The following TRIQK variants were observed in gnomAD, a reference collection of about 807,000 sequenced individuals.
TRIQK encodes the protein triple QxxK/R motif containing.
TRIQK carries 10 observed loss-of-function variants against 10.8 expected under a neutral mutation model. That is an observed-to-expected ratio of 0.92 (90% CI 0.57 to 1.57). The LOEUF (loss-of-function observed/expected upper bound fraction) is 1.57, where lower values mean the gene tolerates loss of function less well. Among genes scored for constraint, TRIQK ranks in the 40% most tolerant of loss-of-function variants. The pLI is 0.00. For missense variants in TRIQK, 107 were observed against 97.7 expected (o/e 1.09, Z -0.40); for synonymous variants, 33 against 33.7 (o/e 0.98, Z 0.07).
chr8:92,995,841 A>T (rs1269945269), intron 1 of TRIQK, among the ~76,000 whole-genome samples: 1 of 152,032 alleles, frequency 6.6e-6, no homozygotes, highest in Non-Finnish European at 1.5e-5. Flanking sequence ...TTCCTTTAGC[A>T]TTATCAATGT....
chr8:92,958,958 C>T (rs1401350167), intron 1 of TRIQK, among the ~76,000 whole-genome samples: 2 of 152,080 alleles, frequency 1.3e-5, no homozygotes, highest in African/African-American at 2.4e-5. Context: ...ATAGACAATA[C>T]GTAAACAAAT....
In TRIQK at chr8:92,956,110, T is replaced by C. The variant is rs190274942; in HGVS notation, c.-180-1546A>G. 3.6e-3 allele frequency among the ~76,000 whole-genome samples: 548 copies of C among 151,912 alleles called. 5 individuals are homozygous for C. Among genetic ancestry groups the C allele is most frequent in the African/African-American group, 0.013 (521 of 41,510 alleles). On this transcript the variant is annotated intron_variant, in intron 1 of 4. Coordinates refer to ENST00000521988, the MANE Select transcript of TRIQK (RefSeq NM_001171797.2). ...CCACACAAAAACTTATATACGAATG[T>C]TCATAGCAGCATTATTCTAATAGCC...
At chr8:92,921,256 G>A (rs2130489955) in intron 2 of TRIQK, among the ~76,000 whole-genome samples, 1 of 151,728 alleles carries the variant, frequency 6.6e-6, no homozygotes, top group Non-Finnish European at 1.5e-5. Flanking sequence ...AGCAATAAAT[G>A]CTAGATGTTT....
intron 1 of TRIQK, among the ~76,000 whole-genome samples, chr8:92,982,567 C>G (rs1812996361): frequency 1.3e-5 from 2 of 151,910 alleles, no homozygotes. Context: ...GACTGCTTTC[C>G]AATTTTCTTG....
intron 2 of TRIQK, among the ~76,000 whole-genome samples, chr8:92,947,588 A>G (rs897169833): frequency 3.4e-5 from 1 of 29,614 alleles, no homozygotes; most frequent in African/African-American, 9.9e-5. Context: ...CCGCCTCAGG[A>G]AAAAAAAAAA....
intron 2 of TRIQK, among the ~76,000 whole-genome samples, chr8:92,940,013 C>T (rs936230971): frequency 3.9e-5 from 6 of 152,152 alleles, no homozygotes; most frequent in African/African-American, 1.4e-4. Context: ...ACCCAGCCAG[C>T]AGCTCCACCT....
intron 3 of TRIQK, among the ~76,000 whole-genome samples, chr8:92,898,758 A>G (rs1808741269): frequency 6.7e-6 from 1 of 148,318 alleles, no homozygotes; most frequent in Non-Finnish European, 1.5e-5. Context: ...TCTATCAGTT[A>G]TTTCAGGCTG....
At chr8:92,943,099 A>G (rs1168898530) in intron 2 of TRIQK, among the ~76,000 whole-genome samples, 1 of 152,136 alleles carries the variant, frequency 6.6e-6, no homozygotes, top group Non-Finnish European at 1.5e-5. Context: ...TGGGACACTT[A>G]GTAATAAATT....
rs1816381436 is a variant in TRIQK, at chr8:92,884,757, G to T, written c.*1865C>A. ...TCATTTAAATTACCACTGAAAACTAGAAATAATCTTTATTTAATACGACTG... is the reference window on the plus strand; with the variant it reads ...TCATTTAAATTACCACTGAAAACTATAAATAATCTTTATTTAATACGACTG... On this transcript the variant is annotated 3_prime_UTR_variant, in exon 5 of 5. Coordinates refer to ENST00000521988, the MANE Select transcript of TRIQK (RefSeq NM_001171797.2). 1 of 434,640 alleles carries T rather than the reference G, an allele frequency of 2.3e-6. No individual in the cohort carries two copies. The highest frequency in any genetic ancestry group is 4.6e-6 in the Non-Finnish European group (1 of 215,326). 26.9% of individuals were successfully genotyped at this position (434,640 alleles called of 1,614,324 possible).
At chr8:92,936,786 T>G (rs935503532) in intron 2 of TRIQK, among the ~76,000 whole-genome samples, 1 of 151,728 alleles carries the variant, frequency 6.6e-6, no homozygotes, top group African/African-American at 2.4e-5. Flanking sequence ...TATGAAATTA[T>G]TTGTAAGAGC....
rs143306957 is a variant in TRIQK at position 92,987,524 on chromosome 8, G to T, written c.-181+30085C>A. Among the ~76,000 whole-genome samples, 1,403 of 152,196 alleles carry T rather than the reference G, an allele frequency of 9.2e-3. 17 individuals carry two copies. Among genetic ancestry groups the T allele is most frequent in the African/African-American group, 0.027 (1,108 of 41,536 alleles). On this transcript the variant is annotated intron_variant, in intron 1 of 4. Coordinates refer to the TRIQK transcript ENST00000520686. ...AATTAGCACAAACATAGAATGAATG[G>T]GTACTATTATTGTCTTTGAATACTA...
chr8:92,893,322 G>A (rs1436381901), intron 3 of TRIQK, among the ~76,000 whole-genome samples: 1 of 151,984 alleles, frequency 6.6e-6, no homozygotes, highest in Non-Finnish European at 1.5e-5. Flanking sequence ...ATGTCCATTA[G>A]ACACATAAAA....
At chr8:92,896,012 G>A (rs910231300) in intron 3 of TRIQK, among the ~76,000 whole-genome samples, 1 of 152,160 alleles carries the variant, frequency 6.6e-6, no homozygotes, top group African/African-American at 2.4e-5. Context: ...AGGGGACCAG[G>A]TGCTATTCAT....
intron 4 of TRIQK, among the ~76,000 whole-genome samples, chr8:92,891,628 A>C (rs1816768510): frequency 6.6e-6 from 1 of 151,944 alleles, no homozygotes; most frequent in African/African-American, 2.4e-5. Context: ...ATATAATTAC[A>C]ACTACAATTT....
intron 1 of TRIQK, among the ~76,000 whole-genome samples, chr8:93,010,861 A>G (rs1039890797): frequency 6.6e-6 from 1 of 152,170 alleles, no homozygotes; most frequent in African/African-American, 2.4e-5. Context: ...TTGTACACAT[A>G]TATGCTTCAT....
intron 3 of TRIQK, among the ~76,000 whole-genome samples, chr8:92,902,165 G>A (rs1007533612): frequency 6.6e-6 from 1 of 152,110 alleles, no homozygotes; most frequent in African/African-American, 2.4e-5. Flanking sequence ...AGGAATTGCA[G>A]TCCTTGTGGC....
rs1291834682 is a variant in TRIQK at position 92,894,387 on chromosome 8, C to T, written c.62-2313G>A. On this transcript the variant is annotated intron_variant, in intron 3 of 4. Coordinates refer to ENST00000521988, the MANE Select transcript of TRIQK (RefSeq NM_001171797.2). The stretch of plus-strand genomic sequence containing the variant: ...ATGGCTTCAAGAAAGATACCTATGC[C>T]CACATGATTGTAAAAAATATAAAAT... Among the ~76,000 whole-genome samples the T allele has an allele frequency of 2.6e-5, 4 of 151,824 alleles. No individual in the cohort carries two copies. In the East Asian group the frequency reaches 5.8e-4, roughly 22 times the overall value.
At chr8:92,962,341 C>A (rs184226685) in intron 1 of TRIQK, among the ~76,000 whole-genome samples, 1 of 152,044 alleles carries the variant, frequency 6.6e-6, no homozygotes, top group Non-Finnish European at 1.5e-5. Context: ...TACATATGCA[C>A]AAAGATTAAG....
chr8:92,898,631 G>A (rs1808733322), intron 3 of TRIQK, among the ~76,000 whole-genome samples: 3 of 151,624 alleles, frequency 2.0e-5, no homozygotes, highest in South Asian at 2.1e-4. Flanking sequence ...CACATTTAAA[G>A]TTAGTATGTT....
Sources: gnomAD v4.1 joint callset for allele counts (sites outside exome capture counted in the v4.1 genomes callset) on GRCh38, gnomAD v4.1.1 for gene constraint, MANE v1.5 for transcripts, NCBI Gene and HGNC (gene_info 2026-07-23, HGNC 2026-07-21) for gene names.